The following AASDH variants were observed in gnomAD, a reference collection of about 807,000 sequenced individuals.
AASDH encodes the protein aminoadipate-semialdehyde dehydrogenase.
In AASDH, 81 loss-of-function variants were observed where a neutral mutation model predicts 102.3. That is an observed-to-expected ratio of 0.79 (90% confidence interval 0.66 to 0.95). The LOEUF is 0.95. AASDH is among the 40% of genes least tolerant of loss of function. AASDH has a pLI of 0.00. For synonymous variants in AASDH, 398 were observed against 454.0 expected, an observed-to-expected ratio of 0.88 and a Z score of 1.57; for missense variants, 1,203 against 1,266.2, an observed-to-expected ratio of 0.95 and a Z score of 0.76.
chr4:56,341,387 A>ATTTTTTTTTTTTTTTT (rs1560561026), intron 14 of AASDH, among the ~76,000 whole-genome samples: 2 of 82,798 alleles, frequency 2.4e-5, no homozygotes, highest in African/African-American at 8.4e-5. Flanking sequence ...GGAGACTTTT[A>ATTTTTTTTTTTTTTTT]TCTTTTTTTT....
chr4:56,370,622 T>C (rs1210470448), intron 5 of AASDH, among the ~76,000 whole-genome samples: 2 of 152,070 alleles, frequency 1.3e-5, no homozygotes, highest in East Asian at 3.9e-4. Context: ...AGAGATCAAA[T>C]CTCCTGATGA....
At chr4:56,345,983 A>C (rs1748287646) in intron 11 of AASDH, among the ~76,000 whole-genome samples, 1 of 152,260 alleles carries the variant, frequency 6.6e-6, no homozygotes, top group Non-Finnish European at 1.5e-5. Context: ...GAATCTAAGA[A>C]GTCAATCTCC....
At chr4:56,353,370 G>T in intron 9 of AASDH, 34 bp downstream of exon 9, 1 of 1,491,226 alleles carries the variant, frequency 6.7e-7, no homozygotes, top group Non-Finnish European at 9.1e-7. Flanking sequence ...AGTATTATTT[G>T]GCACTGAAAC....
At chr4:56,381,584 C>CAAA (rs564727163) in intron 3 of AASDH, among the ~76,000 whole-genome samples, 23 of 124,612 alleles carry the variant, frequency 1.8e-4, no homozygotes, top group African/African-American at 3.3e-4. Context: ...GACTCTGGCT[C>CAAA]AAAAAAAAAA....
intron 9 of AASDH, 83 bp from the exon 10 acceptor site, chr4:56,351,540 C>T (rs1370739186): frequency 4.0e-6 from 3 of 757,432 alleles, no homozygotes; most frequent in Non-Finnish European, 6.5e-6. Context: ...TAGCCATATA[C>T]ATTTTTCTTT....
At chr4:56,343,160 G>A (rs1386186401) in intron 13 of AASDH, among the ~76,000 whole-genome samples, 194 bp from the exon 14 acceptor site, 1 of 152,046 alleles carries the variant, frequency 6.6e-6, no homozygotes, top group African/African-American at 2.4e-5. Context: ...TAGGAAAAAG[G>A]CTTGCAATAA....
chr4:56,354,837 T>G (rs1466771314), intron 6 of AASDH, 26 bp from the exon 7 acceptor site: 1 of 1,524,186 alleles, frequency 6.6e-7, no homozygotes, highest in Admixed American at 2.0e-5. Flanking sequence ...ACAGAGCAGA[T>G]TTAAAATTTT....
At chr4:56,386,245 G>A (rs1169596905) in intron 1 of AASDH, among the ~76,000 whole-genome samples, 1 of 152,106 alleles carries the variant, frequency 6.6e-6, no homozygotes, top group East Asian at 1.9e-4. Context: ...ATATAAGGGA[G>A]GCTTTCTGCA....
intron 3 of AASDH, among the ~76,000 whole-genome samples, chr4:56,380,775 G>T (rs960234028): frequency 6.6e-6 from 1 of 152,150 alleles, no homozygotes; most frequent in Admixed American, 6.6e-5. Flanking sequence ...TCTTAGTGGA[G>T]TGCTGTCTTA....
intron 5 of AASDH, among the ~76,000 whole-genome samples, chr4:56,357,177 C>T (rs1749737087): frequency 1.3e-5 from 2 of 152,006 alleles, no homozygotes; most frequent in Admixed American, 1.3e-4. Context: ...CTTACTATAA[C>T]CAAAATACTG....
intron 14 of AASDH, among the ~76,000 whole-genome samples, chr4:56,339,100 C>A (rs972406038): frequency 6.6e-6 from 1 of 152,040 alleles, no homozygotes; most frequent in African/African-American, 2.4e-5. Context: ...ACACTGAGTT[C>A]AAAGGTAAAA....
chr4:56,384,227 A>T lies in AASDH; in HGVS notation c.73T>A (p.Cys25Ser), dbSNP rs1374682884. The change falls in exon 2 of 15, where the codon TGC becomes AGC. Residue 25 changes from cysteine to serine, a missense_variant. Coordinates refer to ENST00000205214, the MANE Select transcript of AASDH (RefSeq NM_181806.4). Reference protein sequence around the residue: ...MDRVAVCFDECNNQLPVYYTY... With the variant: ...MDRVAVCFDESNNQLPVYYTY... ...TAGTAAACTGGAAGCTGGTTGTTGC[A>T]TTCATCAAAACATACAGCTACTCTG... 3 of 1,614,044 alleles carry T rather than the reference A, an allele frequency of 1.9e-6. No individual in the cohort carries two copies. Among genetic ancestry groups the T allele is most frequent in the Non-Finnish European group, 2.5e-6 (3 of 1,180,018 alleles).
At position 56,371,454 on chromosome 4, in the gene AASDH, C is replaced by G. The variant is rs1015027150; in HGVS notation, c.858G>C (p.Leu286Phe). ...GTTCATTGCTACTAAAATGTACCTG[C>G]AAAACAGTCACTCTATGATGGGAAA... Reference protein sequence around the residue: ...VLFSHHRVTVLQATPTLLRRF... With the variant: ...VLFSHHRVTVFQATPTLLRRF... The change falls in exon 5 of 15, where the codon TTG (leucine) becomes TTC (phenylalanine). Residue 286 changes from leucine to phenylalanine, a missense_variant. Coordinates refer to ENST00000205214, the MANE Select transcript of AASDH (RefSeq NM_181806.4). The G allele has an allele frequency of 2.5e-6, 4 of 1,598,570 alleles. No individual in the cohort carries two copies. The highest frequency in any genetic ancestry group is 2.5e-6 in the Non-Finnish European group (3 of 1,176,582).
chr4:56,375,189 A>G (rs1229329393), intron 4 of AASDH, among the ~76,000 whole-genome samples: 1 of 152,050 alleles, frequency 6.6e-6, no homozygotes, highest in Admixed American at 6.6e-5. Flanking sequence ...TCCTAGGCTC[A>G]GCAATCTTCC....
intron 14 of AASDH, among the ~76,000 whole-genome samples, chr4:56,342,458 T>A (rs2109845267): frequency 6.6e-6 from 1 of 152,256 alleles, no homozygotes; most frequent in South Asian, 2.1e-4. Flanking sequence ...CCAGGGGTTT[T>A]ATTTAAACTT....
chr4:56,355,975 A>C (rs1050799495), intron 5 of AASDH, among the ~76,000 whole-genome samples: 5 of 152,262 alleles, frequency 3.3e-5, no homozygotes, highest in African/African-American at 1.2e-4. Flanking sequence ...TCAAGCAAAA[A>C]TATTACTTAT....
chr4:56,351,304 C>G (rs771744205), intron 10 of AASDH, 38 bp downstream of exon 10: 72 of 1,313,818 alleles, frequency 5.5e-5, no homozygotes, highest in Non-Finnish European at 7.6e-5. Context: ...ATAAAACGAC[C>G]TCTTTATAAT....
chr4:56,378,125 A>G, intron 4 of AASDH, 23 bp downstream of exon 4: 1 of 1,563,000 alleles, frequency 6.4e-7, no homozygotes, highest in Non-Finnish European at 8.7e-7. Flanking sequence ...GATTCTGAGA[A>G]AGAGTCAAAG....
Position 56,338,434 on chromosome 4 carries a change from A to G in AASDH, c.3265T>C (p.Cys1089Arg). ...IIGCRDNYVYCLDLLGGNQK is the reference protein window; with the variant it reads ...IIGCRDNYVYRLDLLGGNQK The stretch of plus-strand genomic sequence containing the variant: ...TGATTGCCACCCAATAAATCCAGAC[A>G]ATAAACATAATTATCTCTACACCCA... The change falls in exon 15 of 15, where the codon TGT becomes CGT. Residue 1089 changes from cysteine to arginine, a missense_variant. Coordinates refer to ENST00000205214, the MANE Select transcript of AASDH (RefSeq NM_181806.4). 6.2e-7 allele frequency: 1 copy of G among 1,613,962 alleles called. No homozygotes were observed. Among genetic ancestry groups the G allele is most frequent in the Non-Finnish European group, 8.5e-7 (1 of 1,179,956 alleles).
Sources: gnomAD v4.1 joint callset for allele counts (sites outside exome capture counted in the v4.1 genomes callset) on GRCh38, gnomAD v4.1.1 for gene constraint, MANE v1.5 for transcripts, NCBI Gene and HGNC (gene_info 2026-07-23, HGNC 2026-07-21) for gene names.